Variants in PLCZ1 observed in about 807,000 individuals in gnomAD.
The protein encoded by PLCZ1 is phospholipase C zeta 1, also known as 1-phosphatidylinositol 4,5-bisphosphate phosphodiesterase zeta-1.
A neutral mutation model predicts 76.8 loss-of-function variants in PLCZ1; 64 were observed. That is an observed-to-expected ratio of 0.83 (90% CI 0.68 to 1.03). The LOEUF is 1.03. Among genes scored for constraint, PLCZ1 ranks in the 50% least tolerant of loss-of-function variants. The pLI, the probability that PLCZ1 is intolerant of heterozygous loss-of-function variation, is 0.00. For synonymous variants in PLCZ1, 248 were observed against 230.8 expected (o/e 1.07, Z -0.68); for missense variants, 751 against 713.7 (o/e 1.05, Z -0.60).
chr12:18,673,064 A>T, the PLCZ1 span, among the ~76,000 whole-genome samples: 4 of 152,192 alleles, frequency 2.6e-5, no homozygotes, highest in Non-Finnish European at 5.9e-5. Context: ...GAAGAGAATT[A>T]AAAAGCAGAC....
chr12:18,705,141 T>G, intron 7 of PLCZ1, 25 bp downstream of exon 7: 1 of 1,612,834 alleles, frequency 6.2e-7, no homozygotes. Context: ...TTTCTTAACC[T>G]GAGTTTCTCA....
intron 6 of PLCZ1, among the ~76,000 whole-genome samples, chr12:18,711,547 A>AATAATAATAATAATC (rs1957343413): frequency 6.7e-6 from 1 of 149,468 alleles, no homozygotes; most frequent in Admixed American, 6.7e-5. Flanking sequence ...TAATAATAAT[A>AATAATAATAATAATC]ATAATAATAA....
At chr12:18,710,037 T>C (rs568770691) in intron 6 of PLCZ1, among the ~76,000 whole-genome samples, 1 of 151,958 alleles carries the variant, frequency 6.6e-6, no homozygotes, top group Admixed American at 6.6e-5. Flanking sequence ...CATTTATGAG[T>C]TCTAACAGGG....
chr12:18,695,046 A>G lies in PLCZ1; in HGVS notation c.1325T>C (p.Met442Thr), dbSNP rs769119861. 8.1e-6 allele frequency: 13 copies of G among 1,613,008 alleles called. No homozygotes were observed. Among genetic ancestry groups the G allele is most frequent in the East Asian group, 4.5e-5 (2 of 44,802 alleles). ...ALNFQTPGLP[M>T]DLQNGKFLDN... ...CAAAAATTTCCCATTTTGCAGATCC[A>G]TGGGCAGACCAGGGGTCTGGAAATT... is the stretch of plus-strand genomic sequence containing the variant. Residue 442 changes from methionine (M) to threonine (T), a missense_variant, in exon 12 of 15, where the codon ATG becomes ACG. Physicochemically the swap from Met to Thr is moderately conservative, Grantham distance 81. Transcript: ENST00000266505.
At chr12:18,659,772 C>T in the PLCZ1 span, among the ~76,000 whole-genome samples, 5 of 151,088 alleles carry the variant, frequency 3.3e-5, no homozygotes, top group South Asian at 2.1e-4. Context: ...GTGCTGCACC[C>T]GTTAACTCGT....
rs761356181 is a variant in PLCZ1 at position 18,695,021 on chromosome 12, C to T, written c.1350G>A (p.Leu450=). ...LPMDLQNGKF[L]DNGGSGYILK... ...AAATATATCCAGAACCACCATTATC[C>T]AAAAATTTCCCATTTTGCAGATCCA... Residue 450 remains leucine (L), a synonymous_variant, in exon 12 of 15, where the codon TTG becomes TTA. Coordinates refer to ENST00000266505, the MANE Select transcript of PLCZ1 (RefSeq NM_033123.4). 5 of 1,612,656 alleles carry T rather than the reference C, an allele frequency of 3.1e-6. No individual in the cohort carries two copies. The highest frequency in any genetic ancestry group is 4.2e-6 in the Non-Finnish European group (5 of 1,179,004).
intron 5 of PLCZ1, among the ~76,000 whole-genome samples, chr12:18,715,111 A>G (rs749165641): frequency 6.9e-6 from 1 of 144,464 alleles, no homozygotes; most frequent in African/African-American, 2.5e-5. Context: ...TAAAACAATT[A>G]TAACACTAAG....
At chr12:18,688,502 A>T (rs1299507665) in intron 12 of PLCZ1, among the ~76,000 whole-genome samples, 1 of 151,918 alleles carries the variant, frequency 6.6e-6, no homozygotes, top group African/African-American at 2.4e-5. Flanking sequence ...TTATGATCAC[A>T]TTTCAGGGAA....
chr12:18,702,554 T>C (rs1271479726), intron 7 of PLCZ1, among the ~76,000 whole-genome samples: 2 of 152,286 alleles, frequency 1.3e-5, no homozygotes, highest in Non-Finnish European at 2.9e-5. Context: ...AGGCATCCAT[T>C]CAAATTATTC....
the PLCZ1 span, among the ~76,000 whole-genome samples, chr12:18,664,100 A>G: frequency 6.6e-6 from 1 of 152,178 alleles, no homozygotes; most frequent in African/African-American, 2.4e-5. Flanking sequence ...CAGACAAACA[A>G]ACAAAGACAC....
At chr12:18,668,784 T>G in the PLCZ1 span, among the ~76,000 whole-genome samples, 1 of 152,178 alleles carries the variant, frequency 6.6e-6, no homozygotes, top group Non-Finnish European at 1.5e-5. Context: ...CCTGCTGATA[T>G]TCACCTCAGG....
chr12:18,732,854 CTTTA>C (rs373749288), intron 3 of PLCZ1, among the ~76,000 whole-genome samples: 7 of 152,058 alleles, frequency 4.6e-5, no homozygotes, highest in African/African-American at 9.7e-5. Flanking sequence ...ACTATATTTT[CTTTA>C]TTCATTCATA....
chr12:18,667,008 C>G, the PLCZ1 span, among the ~76,000 whole-genome samples: 1 of 152,042 alleles, frequency 6.6e-6, no homozygotes. Context: ...CTAAAAATAC[C>G]GTTTCTCAAT....
chr12:18,717,943 C>T (rs1430559650), intron 5 of PLCZ1, among the ~76,000 whole-genome samples: 1 of 152,066 alleles, frequency 6.6e-6, no homozygotes. Context: ...TGAGATACTC[C>T]GTCGCACGAT....
intron 2 of PLCZ1, among the ~76,000 whole-genome samples, chr12:18,736,904 C>T (rs1419420329): frequency 6.6e-6 from 1 of 151,886 alleles, no homozygotes; most frequent in Non-Finnish European, 1.5e-5. Context: ...ACAGTACCAT[C>T]AAAAAGCATC....
chr12:18,717,397 T>C (rs1317958656), intron 5 of PLCZ1, among the ~76,000 whole-genome samples: 2 of 152,214 alleles, frequency 1.3e-5, no homozygotes, highest in Non-Finnish European at 2.9e-5. Context: ...TATTTACTTG[T>C]ATGTTTGATA....
chr12:18,664,392 A>G, the PLCZ1 span, among the ~76,000 whole-genome samples: 1 of 152,216 alleles, frequency 6.6e-6, no homozygotes, highest in Non-Finnish European at 1.5e-5. Flanking sequence ...ACATAAATGG[A>G]TAAGGAAACT....
intron 12 of PLCZ1, chr12:18,693,833 T>A (rs963366996): frequency 2.2e-5 from 33 of 1,529,760 alleles, no homozygotes; most frequent in Middle Eastern, 2.3e-4. Flanking sequence ...GAAGATTGAG[T>A]TCCCCCTGCC....
chr12:18,710,574 A>G (rs1467609060), intron 6 of PLCZ1, among the ~76,000 whole-genome samples: 1 of 152,136 alleles, frequency 6.6e-6, no homozygotes, highest in Non-Finnish European at 1.5e-5. Flanking sequence ...ACTCTGGTTG[A>G]TATGTTGAGA....
Sources: gnomAD v4.1 joint callset for allele counts (sites outside exome capture counted in the v4.1 genomes callset) on GRCh38, gnomAD v4.1.1 for gene constraint, MANE v1.5 for transcripts, NCBI Gene and HGNC (gene_info 2026-07-23, HGNC 2026-07-21) for gene names.